Variants in MGAT3 observed in about 807,000 individuals in gnomAD.
The protein encoded by MGAT3 is GlcNAc-T III.
MGAT3 carries 9 observed loss-of-function variants against 29.8 expected under a neutral mutation model. The observed-to-expected ratio is 0.30, with a 90% confidence interval of 0.18 to 0.53. The LOEUF (loss-of-function observed/expected upper bound fraction) is 0.53, where lower values mean the gene tolerates loss of function less well. MGAT3 is among the 20% of genes least tolerant of loss of function. The pLI is 0.96. For missense variants in MGAT3, 557 were observed against 769.5 expected (o/e 0.72, Z 3.27); for synonymous variants, 397 against 348.9 (o/e 1.14, Z -1.54).
chr22:39,487,841 G>A lies in MGAT3; in HGVS notation c.494G>A (p.Arg165Gln), dbSNP rs777893500. 6.6e-7 allele frequency: 1 copy of A among 1,517,248 alleles called. No homozygotes were observed. Among genetic ancestry groups the A allele is most frequent in the South Asian group, 1.3e-5 (1 of 77,910 alleles). The allele number at this position is 1,517,248 out of a possible 1,614,324, so 94.0% of individuals were successfully genotyped here. Residue 165 changes from arginine (R) to glutamine (Q), a missense_variant, in exon 2 of 2, where the codon CGG becomes CAG. Arg to Gln is a conservative substitution (Grantham distance 43). Transcript: ENST00000341184. The surrounding 1 kb of genome is among the most constrained non-coding windows in gnomAD (Gnocchi z 5.7). ...GAGCGCACGGGGGGCCGAGGCGCCC[G>A]GCGCAAGTGGGTGGAGTGCGTGTGC... is the stretch of plus-strand genomic sequence containing the variant. Reference protein sequence around the residue: ...ARERTGGRGARRKWVECVCLP... With the variant: ...ARERTGGRGAQRKWVECVCLP...
intron 1 of MGAT3, among the ~76,000 whole-genome samples, chr22:39,482,867 C>G (rs1929166156): frequency 6.6e-6 from 1 of 152,176 alleles, no homozygotes; most frequent in African/African-American, 2.4e-5. Context: ...GGGCCCTGTC[C>G]TGAAGGCTCC....
rs1195782118 is a variant in MGAT3 at position 39,488,313 on chromosome 22, G to T, written c.966G>T (p.Pro322=). Reference sequence around the variant, plus strand: ...TCATTGACGATGCGGACGAGATCCCGGCCCGTGACGGCGTCCTTTTCCTCA... The same window carrying T: ...TCATTGACGATGCGGACGAGATCCCTGCCCGTGACGGCGTCCTTTTCCTCA... ...VFIIDDADEI[P]ARDGVLFLKL... The change falls in exon 2 of 2, where the codon CCG becomes CCT. Residue 322 remains proline (P), a synonymous_variant. Coordinates refer to ENST00000341184, the MANE Select transcript of MGAT3 (RefSeq NM_002409.5). The T allele has an allele frequency of 6.2e-7, 1 of 1,611,812 alleles. No individual in the cohort carries two copies.
intron 1 of MGAT3, among the ~76,000 whole-genome samples, chr22:39,479,629 G>C (rs1200415390): frequency 2.6e-5 from 4 of 152,262 alleles, no homozygotes; most frequent in Non-Finnish European, 1.5e-5. Flanking sequence ...TCTCTGCCAG[G>C]CTGGGGAATA....
intron 1 of MGAT3, among the ~76,000 whole-genome samples, chr22:39,461,469 C>A (rs562992799): frequency 6.6e-6 from 1 of 152,174 alleles, no homozygotes; most frequent in Non-Finnish European, 1.5e-5. Context: ...ACCCCTCCTT[C>A]GAGGGGCTCC....
chr22:39,484,189 C>T (rs1055680306), intron 1 of MGAT3, among the ~76,000 whole-genome samples: 4 of 152,118 alleles, frequency 2.6e-5, no homozygotes, highest in African/African-American at 4.8e-5. Flanking sequence ...CTAGATCAAT[C>T]GTGTTGTGAT....
intron 1 of MGAT3, among the ~76,000 whole-genome samples, chr22:39,479,435 CCTTTT>C (rs1201022809): frequency 1.3e-5 from 2 of 152,164 alleles, no homozygotes; most frequent in Non-Finnish European, 1.5e-5. Flanking sequence ...CTCAAGCCCC[CCTTTT>C]CTTGGAGTCT....
At chr22:39,475,403 G>C (rs1454553655) in intron 1 of MGAT3, among the ~76,000 whole-genome samples, 1 of 152,058 alleles carries the variant, frequency 6.6e-6, no homozygotes, top group Middle Eastern at 3.4e-3. Flanking sequence ...CTGTGTATCG[G>C]GCCCTGAGGC....
At chr22:39,459,005 G>C (rs1370832157) in intron 1 of MGAT3, among the ~76,000 whole-genome samples, 1 of 152,116 alleles carries the variant, frequency 6.6e-6, no homozygotes, top group Non-Finnish European at 1.5e-5. Flanking sequence ...GGGTCTGCCT[G>C]GTGCCCTTGG....
rs1568997696 is a variant in MGAT3, at chr22:39,459,083, T to TTCTTTTCTTTTC, written c.-2+1527_-2+1528insCTTTTCTTTTCT. ...TTTTCTTTTCTTTTCTTTTTTTTTT[T>TTCTTTTCTTTTC]TTTTTTTTGAGATGGAGCCTCACTC... On this transcript the variant is annotated intron_variant, in intron 1 of 1. Transcript: ENST00000341184. Among the ~76,000 whole-genome samples the TTCTTTTCTTTTC allele has an allele frequency of 3.0e-3, 448 of 147,024 alleles. 3 individuals carry two copies. The highest frequency in any genetic ancestry group is 0.011 in the African/African-American group (429 of 39,320).
chr22:39,459,960 GT>G (rs1928451507), intron 1 of MGAT3, among the ~76,000 whole-genome samples: 1 of 152,270 alleles, frequency 6.6e-6, no homozygotes, highest in Non-Finnish European at 1.5e-5. Context: ...TGGGCTGGAC[GT>G]GAACGGCAGA....
chr22:39,465,677 A>G (rs1056878162), intron 1 of MGAT3, among the ~76,000 whole-genome samples: 3 of 151,944 alleles, frequency 2.0e-5, no homozygotes, highest in African/African-American at 7.3e-5. Flanking sequence ...ATGCAAAAAA[A>G]CTCCAGCACT....
At chr22:39,482,981 G>A (rs1929169894) in intron 1 of MGAT3, among the ~76,000 whole-genome samples, 1 of 152,254 alleles carries the variant, frequency 6.6e-6, no homozygotes, top group African/African-American at 2.4e-5. Context: ...GGGCAGCTGG[G>A]TCAATCTGAC....
Position 39,488,963 on chromosome 22 carries a change from G to A in MGAT3, c.*14G>A. The A allele has an allele frequency of 6.3e-7, 1 of 1,587,804 alleles. No individual in the cohort carries two copies. The highest frequency in any genetic ancestry group is 8.6e-7 in the Non-Finnish European group (1 of 1,166,948). On this transcript the variant is annotated 3_prime_UTR_variant, in exon 2 of 2. Coordinates refer to ENST00000341184, the MANE Select transcript of MGAT3 (RefSeq NM_002409.5). ...GCGGAAGTCTAGAGCTGCATGATCT[G>A]ATAGGGTTTGTGACAGGGCGGGGGT...
intron 1 of MGAT3, among the ~76,000 whole-genome samples, chr22:39,461,957 A>G (rs556089245): frequency 1.3e-5 from 2 of 150,854 alleles, no homozygotes; most frequent in South Asian, 4.2e-4. Context: ...GCTGGAGTGC[A>G]GTGGCATGAT....
chr22:39,481,276 G>A (rs761113085), intron 1 of MGAT3, among the ~76,000 whole-genome samples: 2 of 152,138 alleles, frequency 1.3e-5, no homozygotes, highest in Admixed American at 6.5e-5. Flanking sequence ...TCGCCTCCTC[G>A]GTGAGCCTGC....
In MGAT3 at chr22:39,489,849, C is replaced by A. The variant is rs1471843153; in HGVS notation, c.*900C>A. On this transcript the variant is annotated 3_prime_UTR_variant, in exon 2 of 2. Transcript: ENST00000341184. The stretch of plus-strand genomic sequence containing the variant: ...CGGATCCGTCTCTCCCTCCCCATCA[C>A]CCCTTCCTTCTGACACCCAGTCCCA... 1 of 167,364 alleles carries A rather than the reference C, an allele frequency of 6.0e-6. No individual in the cohort carries two copies. Among genetic ancestry groups the A allele is most frequent in the Non-Finnish European group, 1.5e-5 (1 of 68,206 alleles). The allele number at this position is 167,364 out of a possible 1,614,324, so 10.4% of individuals were successfully genotyped here. A position where few individuals can be genotyped will look rare whatever the true frequency, so the allele number is the denominator to read the frequency against.
chr22:39,464,229 A>G (rs572033712), intron 1 of MGAT3, among the ~76,000 whole-genome samples: 2 of 152,238 alleles, frequency 1.3e-5, no homozygotes, highest in African/African-American at 2.4e-5. Context: ...GCACTGGGCA[A>G]ATCTCTCGTG....
At chr22:39,472,218 A>G (rs1928831665) in intron 1 of MGAT3, among the ~76,000 whole-genome samples, 1 of 152,052 alleles carries the variant, frequency 6.6e-6, no homozygotes, top group Non-Finnish European at 1.5e-5. Flanking sequence ...CCCCACTCCC[A>G]GAGAGACCCA....
chr22:39,475,517 C>T (rs1484767477), intron 1 of MGAT3, among the ~76,000 whole-genome samples: 2 of 152,222 alleles, frequency 1.3e-5, no homozygotes, highest in Non-Finnish European at 2.9e-5. Context: ...GCATCCCTCC[C>T]TCCTGTAGTT....
Sources: gnomAD v4.1 joint callset for allele counts (sites outside exome capture counted in the v4.1 genomes callset) on GRCh38, gnomAD v4.1.1 for gene constraint, Gnocchi (gnomAD v3.1) non-coding constraint, MANE v1.5 for transcripts, NCBI Gene and HGNC (gene_info 2026-07-23, HGNC 2026-07-21) for gene names.